SPOCK1: variants seen among roughly 807,000 people sequenced by gnomAD.
The protein encoded by SPOCK1 is SPARC (osteonectin), cwcv and kazal like domains proteoglycan 1, also known as testican-1.
A neutral mutation model predicts 55.3 loss-of-function variants in SPOCK1; 23 were observed. The observed-to-expected ratio is 0.42, with a 90% confidence interval of 0.30 to 0.59. The LOEUF (loss-of-function observed/expected upper bound fraction) is 0.59, where lower values mean the gene tolerates loss of function less well. Among genes scored for constraint, SPOCK1 ranks in the 20% least tolerant of loss-of-function variants. SPOCK1 has a pLI of 0.22. For missense variants in SPOCK1, 499 were observed against 552.5 expected (o/e 0.90, Z 0.97); for synonymous variants, 226 against 221.0 (o/e 1.02, Z -0.20).
At chr5:137,264,355 A>G (rs911667075) in intron 3 of SPOCK1, among the ~76,000 whole-genome samples, 3 of 152,194 alleles carry the variant, frequency 2.0e-5, no homozygotes, top group Non-Finnish European at 4.4e-5. Context: ...CAAAGTTCAA[A>G]TTTGGCTGAT....
chr5:137,094,401 G>T (rs565138400), intron 5 of SPOCK1, among the ~76,000 whole-genome samples: 235 of 152,230 alleles, frequency 1.5e-3, no homozygotes, highest in South Asian at 5.8e-3. Flanking sequence ...AGTATTGTGG[G>T]TTCATTCCCA....
chr5:137,438,478 T>C (rs1253639367), intron 2 of SPOCK1, among the ~76,000 whole-genome samples: 1 of 151,976 alleles, frequency 6.6e-6, no homozygotes, highest in Non-Finnish European at 1.5e-5. Context: ...AAAGGAGAAA[T>C]GCAAGTCCTC....
intron 3 of SPOCK1, among the ~76,000 whole-genome samples, chr5:137,152,468 T>C (rs1049329920): frequency 1.3e-5 from 2 of 152,194 alleles, no homozygotes; most frequent in African/African-American, 4.8e-5. Flanking sequence ...AAAGGACCTA[T>C]GGGGTTTCCT....
At chr5:137,239,621 T>C (rs1019271198) in intron 3 of SPOCK1, among the ~76,000 whole-genome samples, 1 of 152,176 alleles carries the variant, frequency 6.6e-6, no homozygotes, top group African/African-American at 2.4e-5. Context: ...TTGAACTGAA[T>C]TGGAGGACAC....
At chr5:137,025,609 G>A (rs900620823) in intron 6 of SPOCK1, among the ~76,000 whole-genome samples, 1 of 152,152 alleles carries the variant, frequency 6.6e-6, no homozygotes, top group African/African-American at 2.4e-5. Flanking sequence ...AGGTACCGGG[G>A]AGCTGAAGTG....
In SPOCK1 at chr5:136,990,196, C is replaced by T. The variant is rs561622394; in HGVS notation, c.707-1553G>A. ...AAGTACTGGGATTACAAGCTTGAGCCACCGCCCTCGGCCCTGTACCCACTC... is the reference window on the plus strand; with the variant it reads ...AAGTACTGGGATTACAAGCTTGAGCTACCGCCCTCGGCCCTGTACCCACTC... On this transcript the variant is annotated intron_variant, in intron 7 of 10. Coordinates refer to ENST00000394945, the MANE Select transcript of SPOCK1 (RefSeq NM_004598.4). Among the ~76,000 whole-genome samples, 14 of 152,232 alleles carry T rather than the reference C, an allele frequency of 9.2e-5. No homozygotes were observed. In the East Asian group the frequency reaches 2.7e-3, roughly 29 times the overall value.
At chr5:137,113,965 G>T (rs1305402771) in intron 4 of SPOCK1, among the ~76,000 whole-genome samples, 1 of 152,216 alleles carries the variant, frequency 6.6e-6, no homozygotes, top group African/African-American at 2.4e-5. Context: ...AAAGAAAGAT[G>T]CATAAAGCCA....
chr5:137,056,978 AC>A (rs1752313789), intron 6 of SPOCK1, among the ~76,000 whole-genome samples: 1 of 152,128 alleles, frequency 6.6e-6, no homozygotes, highest in Non-Finnish European at 1.5e-5. Flanking sequence ...AAGACCTGCT[AC>A]TACATCACTG....
At chr5:137,318,938 C>T (rs73294936) in intron 2 of SPOCK1, among the ~76,000 whole-genome samples, 5,022 of 152,282 alleles carry the variant, frequency 0.033, 142 homozygotes, top group East Asian at 0.12. Flanking sequence ...CACAGACTTG[C>T]TCAGTGACAG....
rs559138145 is a variant in SPOCK1, at chr5:136,988,389, G to A, written c.928+33C>T. ...CCTCTGCTCCAGCAAGGCTGCCCTG[G>A]GCTAGGGACCCCAACCCTCCATCCC... On this transcript the variant is annotated intron_variant, in intron 8 of 10. Coordinates refer to ENST00000394945, the MANE Select transcript of SPOCK1 (RefSeq NM_004598.4). The A allele has an allele frequency of 8.8e-6, 14 of 1,592,528 alleles. No homozygotes were observed. The South Asian group carries it at 1.2e-4, about 14-fold the overall frequency.
intron 5 of SPOCK1, among the ~76,000 whole-genome samples, chr5:137,109,599 TCTC>T (rs1355646765): frequency 6.6e-6 from 1 of 152,188 alleles, no homozygotes. Flanking sequence ...CAGATCATCT[TCTC>T]ACCTTCCAAG....
chr5:136,980,655 CTG>C (rs1750710058), intron 9 of SPOCK1, among the ~76,000 whole-genome samples: 1 of 152,190 alleles, frequency 6.6e-6, no homozygotes, highest in East Asian at 1.9e-4. Flanking sequence ...CCATGTGGAA[CTG>C]TGAGTCCATT....
At chr5:137,337,470 T>C (rs1750305661) in intron 2 of SPOCK1, among the ~76,000 whole-genome samples, 1 of 152,204 alleles carries the variant, frequency 6.6e-6, no homozygotes, top group Admixed American at 6.5e-5. Context: ...GGCATCTTCC[T>C]TTCTGTATCA....
chr5:137,337,274 G>A (rs976673469), intron 2 of SPOCK1, among the ~76,000 whole-genome samples: 1 of 152,216 alleles, frequency 6.6e-6, no homozygotes, highest in Non-Finnish European at 1.5e-5. Flanking sequence ...TATAGGATGG[G>A]ACTATGAGGG....
intron 6 of SPOCK1, among the ~76,000 whole-genome samples, chr5:137,017,479 T>G (rs1278479967): frequency 6.6e-6 from 1 of 152,230 alleles, no homozygotes; most frequent in East Asian, 1.9e-4. Flanking sequence ...ACAAATAATA[T>G]GTAAGTAGGG....
chr5:136,998,625 C>T (rs4308478), intron 6 of SPOCK1, among the ~76,000 whole-genome samples: 132,069 of 152,242 alleles, frequency 0.87, 57,567 homozygotes, highest in Non-Finnish European at 0.92. Context: ...CCTTGCCTTG[C>T]GTAGGAAACT....
At chr5:137,174,458 G>T (rs1754814822) in intron 3 of SPOCK1, among the ~76,000 whole-genome samples, 2 of 152,088 alleles carry the variant, frequency 1.3e-5, no homozygotes, top group African/African-American at 4.8e-5. Context: ...TTTCATACAT[G>T]CCCTAATTTC....
In SPOCK1 at chr5:137,398,211, C is replaced by T. The variant is rs144026101; in HGVS notation, c.186+100162G>A. Among the ~76,000 whole-genome samples, 285 of 152,212 alleles carry T rather than the reference C, an allele frequency of 1.9e-3. 1 individual carries two copies. Among genetic ancestry groups the T allele is most frequent in the African/African-American group, 6.6e-3 (276 of 41,522 alleles). Reference sequence around the variant, plus strand: ...TCTGCAAACCTTAGTGAGGAAGCCTCATTAGCTGATGGGTTGCAATGAGGT... The same window carrying T: ...TCTGCAAACCTTAGTGAGGAAGCCTTATTAGCTGATGGGTTGCAATGAGGT... On this transcript the variant is annotated intron_variant, in intron 2 of 10. Coordinates refer to ENST00000394945, the MANE Select transcript of SPOCK1 (RefSeq NM_004598.4).
chr5:136,987,515 G>GAGGT (rs1750867475), intron 8 of SPOCK1, among the ~76,000 whole-genome samples: 1 of 152,164 alleles, frequency 6.6e-6, no homozygotes, highest in African/African-American at 2.4e-5. Flanking sequence ...CTTTGGAGGT[G>GAGGT]AGGTCAATTG....
Sources: gnomAD v4.1 joint callset for allele counts (sites outside exome capture counted in the v4.1 genomes callset) on GRCh38, gnomAD v4.1.1 for gene constraint, MANE v1.5 for transcripts, NCBI Gene and HGNC (gene_info 2026-07-23, HGNC 2026-07-21) for gene names.